The following NFIX variants were observed in gnomAD, a reference collection of about 807,000 sequenced individuals.
The protein encoded by NFIX is nuclear factor I X, also known as nuclear factor 1 X-type.
A neutral mutation model predicts 53.3 loss-of-function variants in NFIX; 2 were observed. The ratio of observed to expected loss-of-function variants is 0.04; its 90% CI spans 0.02 to 0.12. The LOEUF (loss-of-function observed/expected upper bound fraction) is 0.12, where lower values mean the gene tolerates loss of function less well. Ranked by LOEUF, NFIX falls within the 10% of genes least tolerant of loss-of-function variation. The pLI, the probability that NFIX is intolerant of heterozygous loss-of-function variation, is 1.00. For missense variants in NFIX, 310 were observed against 674.5 expected, an observed-to-expected ratio of 0.46 and a Z score of 5.99; for synonymous variants, 244 against 289.0, an observed-to-expected ratio of 0.84 and a Z score of 1.58.
intron 2 of NFIX, among the ~76,000 whole-genome samples, chr19:13,044,606 T>C (rs1159635768): frequency 1.3e-5 from 2 of 152,176 alleles, no homozygotes; most frequent in Non-Finnish European, 1.5e-5. Context: ...TGGGCCCAAC[T>C]CCAACCTGGC....
At position 13,078,180 on chromosome 19, in the gene NFIX, G is replaced by A. The variant is rs1378426192; in HGVS notation, c.956-433G>A. ...AACCTCCCATGGCCCCGGGCACCAT[G>A]GCATAGACCCCAGCCTGTCCCTCCC... On this transcript the variant is annotated intron_variant, in intron 6 of 10. Transcript: ENST00000592199. The surrounding 1 kb of genome is among the most constrained non-coding windows in gnomAD (Gnocchi z 4.7). 1.3e-5 allele frequency among the ~76,000 whole-genome samples: 2 copies of A among 152,206 alleles called. No individual in the cohort carries two copies. The highest frequency in any genetic ancestry group is 3.9e-4 in the East Asian group (2 of 5,168).
In NFIX at chr19:13,075,646, C is replaced by T. The variant is rs1413684794; in HGVS notation, c.930C>T (p.Ser310=). 11 of 1,613,494 alleles carry T rather than the reference C, an allele frequency of 6.8e-6. No individual in the cohort carries two copies. Among genetic ancestry groups the T allele is most frequent in the African/African-American group, 4.0e-5 (3 of 74,908 alleles). ...RSPAAGSSQS[S]GWPNDVDAGP... is the part of the protein sequence containing the mutation. ...CAGCAGCTGGCAGCAGCCAGTCCAG[C>T]GGGTGGCCCAACGATGTGGATGCAG... Residue 310 remains serine, a synonymous_variant, in exon 6 of 11, where the codon AGC becomes AGT. Transcript: ENST00000592199.
chr19:13,092,242 G>A (rs1004378897), intron 10 of NFIX, among the ~76,000 whole-genome samples: 2 of 152,238 alleles, frequency 1.3e-5, no homozygotes, highest in African/African-American at 2.4e-5. Context: ...TAGCAATTTT[G>A]TCATTCCCTG....
rs543957513 is a variant in NFIX at position 13,043,058 on chromosome 19, CAGG to C, written c.559+17508_559+17510del. On this transcript the variant is annotated intron_variant, in intron 2 of 10. Transcript: ENST00000592199. This position sits in a 1 kb window ranked among gnomAD's most constrained non-coding sequence, Gnocchi z 4.0. ...TGTACATTGCACATACATGTCATGT[CAGG>C]ATGCACTTTTACAAGTCAAGTCTCC... is the stretch of plus-strand genomic sequence containing the variant. 5.4e-3 allele frequency among the ~76,000 whole-genome samples: 820 copies of C among 152,292 alleles called. 6 individuals carry two copies. The highest frequency in any genetic ancestry group is 0.019 in the African/African-American group (795 of 41,536).
chr19:13,082,109 G>C, intron 8 of NFIX: 1 of 513,694 alleles, frequency 1.9e-6, no homozygotes, highest in East Asian at 3.1e-5. Context: ...CAGGCTCCTT[G>C]CCTTTCCCAT....
Position 13,025,731 on chromosome 19 carries a change from T to G in NFIX, c.559+179T>G, listed in dbSNP as rs1228229485. Reference sequence around the variant, plus strand: ...CTTTTCCTTTTTCCTGTCTTCTGTCTCCCCCGACCTGTTCTATTCTTCCTC... The same window carrying G: ...CTTTTCCTTTTTCCTGTCTTCTGTCGCCCCCGACCTGTTCTATTCTTCCTC... On this transcript the variant is annotated intron_variant, in intron 2 of 10. Transcript: ENST00000592199. This position sits in a 1 kb window ranked among gnomAD's most constrained non-coding sequence, Gnocchi z 7.5. Among the ~76,000 whole-genome samples, 2 of 152,138 alleles carry G rather than the reference T, an allele frequency of 1.3e-5. No individual in the cohort carries two copies. Among genetic ancestry groups the G allele is most frequent in the African/African-American group, 4.8e-5 (2 of 41,414 alleles).
intron 2 of NFIX, among the ~76,000 whole-genome samples, chr19:13,059,723 C>T (rs1365986891): frequency 7.1e-6 from 1 of 140,970 alleles, no homozygotes; most frequent in African/African-American, 2.7e-5. Flanking sequence ...GGGTGTGCTG[C>T]AGGGCAAGAG....
rs577455455 is a variant in NFIX at position 13,009,175 on chromosome 19, A to G, written c.27+13311A>G. Among the ~76,000 whole-genome samples, 4 of 152,262 alleles carry G rather than the reference A, an allele frequency of 2.6e-5. No homozygotes were observed. Among genetic ancestry groups the G allele is most frequent in the East Asian group, 1.9e-4 (1 of 5,172 alleles). ...CACACAACCTGTCACACACGCACAC[A>G]CACACACAGCGGCACAGTCGCACAC... On this transcript the variant is annotated intron_variant, in intron 1 of 10. Coordinates refer to ENST00000592199, the MANE Select transcript of NFIX (RefSeq NM_001365902.3). The surrounding 1 kb of genome is among the most constrained non-coding windows in gnomAD (Gnocchi z 4.7).
intron 1 of NFIX, among the ~76,000 whole-genome samples, chr19:13,017,357 A>G (rs975653597): frequency 4.6e-5 from 7 of 152,180 alleles, no homozygotes; most frequent in Admixed American, 6.5e-5. Flanking sequence ...CATTTTGAGG[A>G]ATTGAAAAAT....
At chr19:13,026,108 G>C (rs932801612) in intron 2 of NFIX, among the ~76,000 whole-genome samples, 6 of 152,266 alleles carry the variant, frequency 3.9e-5, no homozygotes, top group African/African-American at 1.4e-4. Context: ...AGACAGTAGT[G>C]GGCAGATTCT....
chr19:13,052,358 TAGAGCCCAGATG>T lies in NFIX; in HGVS notation c.560-20688_560-20677del, dbSNP rs1304495738. On this transcript the variant is annotated intron_variant, in intron 2 of 10. Transcript: ENST00000592199. This position sits in a 1 kb window ranked among gnomAD's most constrained non-coding sequence, Gnocchi z 5.2. ...CACTGCTGGCCATCTAGGCTGGGGG[TAGAGCCCAGATG>T]GGAGCCCACCTGGATGGCACGAACC... 6.6e-6 allele frequency among the ~76,000 whole-genome samples: 1 copy of T among 151,690 alleles called. No individual in the cohort carries two copies. The highest frequency in any genetic ancestry group is 1.5e-5 in the Non-Finnish European group (1 of 67,926).
In NFIX at chr19:13,002,215, T is replaced by TGAAA. The variant is rs2011745983; in HGVS notation, c.27+6351_27+6352insGAAA. The stretch of plus-strand genomic sequence containing the variant: ...TCCCCCTTTCTCTCTCTCTCTTTCC[T>TGAAA]CCCTCTCTCCTCCCCTCCTCCCCTC... On this transcript the variant is annotated intron_variant, in intron 1 of 10. Coordinates refer to ENST00000592199, the MANE Select transcript of NFIX (RefSeq NM_001365902.3). This position sits in a 1 kb window ranked among gnomAD's most constrained non-coding sequence, Gnocchi z 6.1. Among the ~76,000 whole-genome samples the TGAAA allele has an allele frequency of 6.8e-6, 1 of 146,906 alleles. No homozygotes were observed. Among genetic ancestry groups the TGAAA allele is most frequent in the African/African-American group, 2.5e-5 (1 of 39,472 alleles).
chr19:13,081,904 C>A lies in NFIX; in HGVS notation c.1254+49C>A. The A allele has an allele frequency of 6.2e-7, 1 of 1,600,056 alleles. No individual in the cohort carries two copies. The highest frequency in any genetic ancestry group is 8.5e-7 in the Non-Finnish European group (1 of 1,171,164). On this transcript the variant is annotated intron_variant, in intron 8 of 10. Coordinates refer to ENST00000592199, the MANE Select transcript of NFIX (RefSeq NM_001365902.3). This position sits in a 1 kb window ranked among gnomAD's most constrained non-coding sequence, Gnocchi z 4.7. ...CCCGGCTACAGCCTCATCTCCACAT[C>A]TATCTGTCTGTCTCAGGGCTCACAG... is the stretch of plus-strand genomic sequence containing the variant.
intron 2 of NFIX, chr19:13,069,824 G>A (rs997755694): frequency 9.2e-5 from 14 of 152,266 alleles, no homozygotes; most frequent in African/African-American, 3.4e-4. Flanking sequence ...TTGTGTATTT[G>A]TTCAGCTGGT....
chr19:13,061,392 G>A (rs1274376808), intron 2 of NFIX, among the ~76,000 whole-genome samples: 2 of 152,246 alleles, frequency 1.3e-5, no homozygotes, highest in South Asian at 2.1e-4. Flanking sequence ...ATAAACCAGG[G>A]TCCCAGTGGC....
chr19:13,048,830 TG>T (rs1175706267), intron 2 of NFIX, among the ~76,000 whole-genome samples: 1 of 152,224 alleles, frequency 6.6e-6, no homozygotes, highest in African/African-American at 2.4e-5. Context: ...CCCAACATTT[TG>T]GGAGGCCAAG....
chr19:13,008,748 C>T (rs2012162120), intron 1 of NFIX, among the ~76,000 whole-genome samples: 1 of 152,170 alleles, frequency 6.6e-6, no homozygotes, highest in Non-Finnish European at 1.5e-5. Context: ...GATGACCCTC[C>T]TTTGGCCCCC....
intron 2 of NFIX, among the ~76,000 whole-genome samples, chr19:13,057,628 A>C (rs192164407): frequency 6.6e-6 from 1 of 152,190 alleles, no homozygotes; most frequent in African/African-American, 2.4e-5. Context: ...AAGAAAACCC[A>C]CTAGTGTCTC....
intron 1 of NFIX, among the ~76,000 whole-genome samples, chr19:13,003,916 A>G (rs781359140): frequency 4.6e-5 from 7 of 152,034 alleles, no homozygotes; most frequent in Non-Finnish European, 8.8e-5. Flanking sequence ...CTGGGACTAC[A>G]GCCGAGCACC....
Sources: allele counts gnomAD v4.1 joint callset (sites outside exome capture counted in the v4.1 genomes callset), GRCh38; gene constraint gnomAD v4.1.1; non-coding constraint Gnocchi (gnomAD v3.1); transcripts MANE v1.5; gene names NCBI Gene and HGNC (gene_info 2026-07-23, HGNC 2026-07-21).